The following CDH10 variants were observed in gnomAD, a reference collection of about 807,000 sequenced individuals.
The protein encoded by CDH10 is cadherin-10.
CDH10 carries 30 observed loss-of-function variants against 73.1 expected under a neutral mutation model. That is an observed-to-expected ratio of 0.41 (90% CI 0.31 to 0.56). The LOEUF (loss-of-function observed/expected upper bound fraction) is 0.56, where lower values mean the gene tolerates loss of function less well. Ranked by LOEUF, CDH10 falls within the 20% of genes least tolerant of loss-of-function variation. CDH10 has a pLI of 0.27. For synonymous variants in CDH10, 345 were observed against 348.2 expected (o/e 0.99, Z 0.10); for missense variants, 815 against 973.7 (o/e 0.84, Z 2.17).
intron 1 of CDH10, among the ~76,000 whole-genome samples, chr5:24,607,337 C>T (rs9293140): frequency 0.3 from 46,229 of 151,870 alleles, 8,172 homozygotes; most frequent in African/African-American, 0.5. Context: ...GGGATTTAGA[C>T]TTACAAGTAT....
intron 1 of CDH10, among the ~76,000 whole-genome samples, chr5:24,620,193 C>T (rs1212369444): frequency 6.6e-6 from 1 of 152,128 alleles, no homozygotes; most frequent in Non-Finnish European, 1.5e-5. Context: ...TTTTATTAAA[C>T]ACATCAATAG....
At chr5:24,558,577 C>T (rs557195773) in intron 2 of CDH10, among the ~76,000 whole-genome samples, 114 of 151,472 alleles carry the variant, frequency 7.5e-4, no homozygotes, top group Non-Finnish European at 1.1e-3. Context: ...CATTCAACTT[C>T]CAAAGGATGT....
At chr5:24,542,056 C>T (rs1744174261) in intron 2 of CDH10, among the ~76,000 whole-genome samples, 1 of 151,966 alleles carries the variant, frequency 6.6e-6, no homozygotes, top group Admixed American at 6.6e-5. Context: ...TCAATGAATG[C>T]CTGGTCACTT....
chr5:24,531,036 G>C (rs1561143944), intron 5 of CDH10, among the ~76,000 whole-genome samples: 1 of 152,000 alleles, frequency 6.6e-6, no homozygotes, highest in East Asian at 1.9e-4. Context: ...CCAGCCACAG[G>C]AGGTTTCAGT....
intron 1 of CDH10, 52 bp downstream of exon 1, chr5:24,644,542 G>A (rs529142072): frequency 6.6e-6 from 1 of 151,652 alleles, no homozygotes; most frequent in African/African-American, 2.4e-5. Context: ...CTCAAGTGGA[G>A]GAATATATAA....
intron 11 of CDH10, among the ~76,000 whole-genome samples, chr5:24,489,174 A>C (rs1235479006): frequency 6.6e-6 from 1 of 152,122 alleles, no homozygotes; most frequent in Non-Finnish European, 1.5e-5. Flanking sequence ...AAATATTGAT[A>C]CAAGTATTTA....
Position 24,492,885 on chromosome 5 carries a change from A to C in CDH10, c.1556T>G (p.Leu519Ter), listed in dbSNP as rs1742113517. Residue 519 changes from leucine (L) to a stop codon, truncating the protein, a stop_gained, in exon 10 of 12, where the codon TTA (leucine) becomes TGA (stop). Coordinates refer to ENST00000264463, the MANE Select transcript of CDH10 (RefSeq NM_006727.5). LOFTEE classifies it high-confidence loss of function. ...TISAVDKDDPLGGQKFFFSLA... is the reference protein window; with the variant it reads ...TISAVDKDDP ...ACTGAAAAAAAATTTCTGTCCACCT[A>C]AAGGGTCATCTTTGTCTACTGCACT... The C allele has an allele frequency of 6.3e-7, 1 of 1,581,308 alleles. No homozygotes were observed. The highest frequency in any genetic ancestry group is 8.7e-7 in the Non-Finnish European group (1 of 1,150,496).
chr5:24,615,440 T>C (rs913013525), intron 1 of CDH10, among the ~76,000 whole-genome samples: 1 of 152,252 alleles, frequency 6.6e-6, no homozygotes, highest in Non-Finnish European at 1.5e-5. Context: ...CATCTGTCAC[T>C]GAAATACATT....
chr5:24,492,905 T>C lies in CDH10; in HGVS notation c.1536A>G (p.Ala512=), dbSNP rs1196514521. ...CACCTAAAGGGTCATCTTTGTCTAC[T>C]GCACTTATAGTCTGTATTAGCTGCA... ...RPGQLIQTIS[A]VDKDDPLGGQ... is the part of the protein sequence containing the mutation. The change falls in exon 10 of 12, where the codon GCA becomes GCG. Residue 512 remains alanine (A), a synonymous_variant. Transcript: ENST00000264463. The C allele has an allele frequency of 5.2e-6, 8 of 1,525,388 alleles. No homozygotes were observed. The highest frequency in any genetic ancestry group is 7.3e-6 in the Non-Finnish European group (8 of 1,099,522). The allele number at this position is 1,525,388 out of a possible 1,614,324, so 94.5% of individuals were successfully genotyped here.
At chr5:24,590,919 C>T in intron 2 of CDH10, among the ~76,000 whole-genome samples, 1 of 151,972 alleles carries the variant, frequency 6.6e-6, no homozygotes, top group South Asian at 2.1e-4. Context: ...AAACACTTAT[C>T]ACCATATCAC....
At chr5:24,554,488 GTGTGT>G (rs1561159545) in intron 2 of CDH10, among the ~76,000 whole-genome samples, 10 of 144,940 alleles carry the variant, frequency 6.9e-5, no homozygotes, top group Middle Eastern at 3.4e-3. Context: ...GTGTGTGTGT[GTGTGT>G]GTGTGTGTGT....
intron 5 of CDH10, among the ~76,000 whole-genome samples, chr5:24,519,584 G>T (rs879926946): frequency 6.6e-6 from 1 of 152,114 alleles, no homozygotes; most frequent in Non-Finnish European, 1.5e-5. Flanking sequence ...AAACATGAAA[G>T]ATCAATAAAC....
chr5:24,594,227 C>G (rs1264550648), intron 1 of CDH10, among the ~76,000 whole-genome samples: 1 of 151,862 alleles, frequency 6.6e-6, no homozygotes, highest in Non-Finnish European at 1.5e-5. Context: ...AGAAAGTAAT[C>G]ACTACTACAG....
At chr5:24,490,120 AC>A (rs1741996054) in intron 11 of CDH10, among the ~76,000 whole-genome samples, 1 of 152,164 alleles carries the variant, frequency 6.6e-6, no homozygotes, top group Admixed American at 6.5e-5. Flanking sequence ...AAAACTTACT[AC>A]CATTAATATT....
chr5:24,501,451 A>C lies in CDH10; in HGVS notation c.1394-2932T>G, dbSNP rs1167520729. 3.3e-5 allele frequency among the ~76,000 whole-genome samples: 5 copies of C among 152,348 alleles called. No homozygotes were observed. The South Asian group carries it at 8.3e-4, about 25-fold the overall frequency. ...CGCTTATGTATAAATAAGAGTATAA[A>C]GTGTTCCAAGGAAGAATCAAACTGA... On this transcript the variant is annotated intron_variant, in intron 8 of 11. Transcript: ENST00000264463.
At chr5:24,505,989 C>T (rs1448924139) in intron 7 of CDH10, among the ~76,000 whole-genome samples, 2 of 151,898 alleles carry the variant, frequency 1.3e-5, no homozygotes, top group African/African-American at 4.8e-5. Flanking sequence ...TGGCACGTGC[C>T]TGTAGTCCCA....
At chr5:24,514,179 C>G (rs1743020508) in intron 5 of CDH10, among the ~76,000 whole-genome samples, 1 of 152,122 alleles carries the variant, frequency 6.6e-6, no homozygotes, top group African/African-American at 2.4e-5. Context: ...CAAATCAATT[C>G]ACACACACTC....
intron 2 of CDH10, among the ~76,000 whole-genome samples, chr5:24,573,573 C>T (rs1389586657): frequency 6.6e-6 from 1 of 151,288 alleles, no homozygotes; most frequent in Non-Finnish European, 1.5e-5. Flanking sequence ...TGGTGGCGGG[C>T]ACCTGTAGTC....
intron 1 of CDH10, among the ~76,000 whole-genome samples, chr5:24,630,185 G>C (rs1747655864): frequency 6.6e-6 from 1 of 152,098 alleles, no homozygotes; most frequent in South Asian, 2.1e-4. Flanking sequence ...CGACAGTAAA[G>C]AGAGGTATAA....
Sources: allele counts gnomAD v4.1 joint callset (sites outside exome capture counted in the v4.1 genomes callset), GRCh38; gene constraint gnomAD v4.1.1; transcripts MANE v1.5; gene names NCBI Gene and HGNC (gene_info 2026-07-23, HGNC 2026-07-21).